The following PRRC1 variants were observed in gnomAD, a reference collection of about 807,000 sequenced individuals.
PRRC1 encodes the protein protein PRRC1.
Under a neutral mutation model 40.7 loss-of-function variants are expected in PRRC1, and 39 were observed. That is an observed-to-expected ratio of 0.96 (90% CI 0.74 to 1.25). PRRC1 has a LOEUF of 1.25. PRRC1 is among the 50% of genes most tolerant of loss of function. PRRC1 has a pLI of 0.00. For missense variants in PRRC1, 573 were observed against 548.3 expected (o/e 1.05, Z -0.45); for synonymous variants, 175 against 193.3 (o/e 0.91, Z 0.79).
rs143699522 is a variant in PRRC1, at chr5:127,532,568, G to A, written c.758-1055G>A. ...AATGGAGCAGTACTTAGCTAAGGTC[G>A]AGAGATGTGTCCCATGTGGAGGAAA... is the stretch of plus-strand genomic sequence containing the variant. On this transcript the variant is annotated intron_variant, in intron 5 of 8. Transcript: ENST00000296666. Among the ~76,000 whole-genome samples the A allele has an allele frequency of 3.3e-5, 5 of 152,172 alleles. No individual in the cohort carries two copies. In the East Asian group the frequency reaches 5.8e-4, roughly 18 times the overall value.
At chr5:127,543,559 G>A (rs1442340429) in intron 7 of PRRC1, among the ~76,000 whole-genome samples, 10 of 152,104 alleles carry the variant, frequency 6.6e-5, no homozygotes, top group Admixed American at 4.6e-4. Flanking sequence ...TTTCTTGGAG[G>A]CTTTGTTCGT....
At chr5:127,538,020 C>CTT (rs1230567045) in intron 6 of PRRC1, among the ~76,000 whole-genome samples, 1 of 151,834 alleles carries the variant, frequency 6.6e-6, no homozygotes, top group African/African-American at 2.4e-5. Flanking sequence ...TCTTATTGAA[C>CTT]ACCTATTAAG....
rs184469320 is a variant in PRRC1, at chr5:127,545,340, A to G, written c.1026-2479A>G. Reference sequence around the variant, plus strand: ...CTGCTATAAAGACACATGCACACATATGTTTATTGCGGCACTATTCCCAAT... The same window carrying G: ...CTGCTATAAAGACACATGCACACATGTGTTTATTGCGGCACTATTCCCAAT... On this transcript the variant is annotated intron_variant, in intron 7 of 8. Transcript: ENST00000296666. 5.0e-3 allele frequency among the ~76,000 whole-genome samples: 755 copies of G among 152,150 alleles called. 9 individuals carry two copies. The Middle Eastern group carries it at 0.068, about 14-fold the overall frequency.
Position 127,552,234 on chromosome 5 carries a change from C to T in PRRC1, c.*318C>T, listed in dbSNP as rs1268043500. 1.7e-5 allele frequency: 18 copies of T among 1,078,986 alleles called. No individual in the cohort carries two copies. Among genetic ancestry groups the T allele is most frequent in the Non-Finnish European group, 1.0e-5 (9 of 887,326 alleles). The allele number at this position is 1,078,986 out of a possible 1,614,324, so 66.8% of individuals were successfully genotyped here. A position where few individuals can be genotyped will look rare whatever the true frequency, so the allele number is the denominator to read the frequency against. On this transcript the variant is annotated 3_prime_UTR_variant, in exon 9 of 9. Coordinates refer to ENST00000296666, the MANE Select transcript of PRRC1 (RefSeq NM_130809.5). ...TGTGCAGAGACATTTAACTTAATGC[C>T]ATGTACTTGATTATTTTGTTCTTTA...
rs1260446576 is a variant in PRRC1 at position 127,540,737 on chromosome 5, GTTTTC to G, written c.1025+1599_1025+1603del. Among the ~76,000 whole-genome samples the G allele has an allele frequency of 3.9e-5, 6 of 152,064 alleles. No homozygotes were observed. The East Asian group carries it at 9.6e-4, about 24-fold the overall frequency. Reference sequence around the variant, plus strand: ...GTTAAAAAGTCATCTCTCCATAAATGTTTTCTTTTGAGAAGTGTCTGTTCATGTCC... The same window carrying G: ...GTTAAAAAGTCATCTCTCCATAAATGTTTTGAGAAGTGTCTGTTCATGTCC... On this transcript the variant is annotated intron_variant, in intron 7 of 8. Transcript: ENST00000296666.
At chr5:127,531,617 C>CTTCTTTTTTTTTTTTTTTTTTTTTTTTT (rs1268819647) in intron 5 of PRRC1, among the ~76,000 whole-genome samples, 14 of 99,648 alleles carry the variant, frequency 1.4e-4, no homozygotes, top group African/African-American at 6.0e-4. Context: ...TCTTCTTCTT[C>CTTCTTTTTTTTTTTTTTTTTTTTTTTTT]TTTTTTTTTT....
At chr5:127,544,844 A>G (rs1036494346) in intron 7 of PRRC1, among the ~76,000 whole-genome samples, 2 of 152,182 alleles carry the variant, frequency 1.3e-5, no homozygotes, top group Non-Finnish European at 2.9e-5. Context: ...GAGTGAGGCA[A>G]TGCCTCACCC....
At chr5:127,536,001 TA>T (rs1223436885) in intron 6 of PRRC1, among the ~76,000 whole-genome samples, 1 of 152,174 alleles carries the variant, frequency 6.6e-6, no homozygotes, top group Non-Finnish European at 1.5e-5. Context: ...TTTTCTATAT[TA>T]GGGGCTATTA....
At chr5:127,547,947 T>C (rs766387657) in intron 8 of PRRC1, 26 bp downstream of exon 8, 10 of 1,417,298 alleles carry the variant, frequency 7.1e-6, no homozygotes, top group Non-Finnish European at 1.0e-5. Context: ...TGCTTTTTCA[T>C]TATGCTCCAG....
rs916382445 is a variant in PRRC1 at position 127,554,744 on chromosome 5, A to G, written c.*2828A>G. The G allele has an allele frequency of 6.6e-6, 1 of 152,326 alleles. No homozygotes were observed. Among genetic ancestry groups the G allele is most frequent in the South Asian group, 2.1e-4 (1 of 4,830 alleles). The allele number at this position is 152,326 out of a possible 1,614,324, so 9.4% of individuals were successfully genotyped here. A position where few individuals can be genotyped will look rare whatever the true frequency, so the allele number is the denominator to read the frequency against. On this transcript the variant is annotated 3_prime_UTR_variant, in exon 9 of 9. Coordinates refer to ENST00000296666, the MANE Select transcript of PRRC1 (RefSeq NM_130809.5). ...AAATACAAAAAGGTAGTGTGATAGT[A>G]TAAGTATCTAAGTGCAGATGAAAGT...
At chr5:127,535,960 A>G (rs1163437944) in intron 6 of PRRC1, among the ~76,000 whole-genome samples, 1 of 152,162 alleles carries the variant, frequency 6.6e-6, no homozygotes, top group Non-Finnish European at 1.5e-5. Context: ...TTTCTTTTAC[A>G]CATATGCATA....
chr5:127,541,659 C>A (rs918822541), intron 7 of PRRC1, among the ~76,000 whole-genome samples: 2 of 152,076 alleles, frequency 1.3e-5, no homozygotes, highest in Non-Finnish European at 2.9e-5. Context: ...AGTTTATTTG[C>A]GTAGAGTTGT....
rs141607313 is a variant in PRRC1 at position 127,530,502 on chromosome 5, G to A, written c.757+106G>A. 3,302 of 574,704 alleles carry A rather than the reference G, an allele frequency of 5.7e-3. 16 individuals are homozygous for A. Among genetic ancestry groups the A allele is most frequent in the Non-Finnish European group, 7.9e-3 (2,700 of 340,996 alleles). The allele number at this position is 574,704 out of a possible 1,614,324, so 35.6% of individuals were successfully genotyped here. ...TTCGTTTCCACTGATTGTGTAATCA[G>A]TGGAAATTCTTATTATATTCTTGCA... On this transcript the variant is annotated intron_variant, in intron 5 of 8. Transcript: ENST00000296666.
chr5:127,543,624 C>G lies in PRRC1; in HGVS notation c.1026-4195C>G, dbSNP rs1224083629. Among the ~76,000 whole-genome samples, 6 of 152,244 alleles carry G rather than the reference C, an allele frequency of 3.9e-5. No homozygotes were observed. In the South Asian group the frequency reaches 1.2e-3, roughly 32 times the overall value. On this transcript the variant is annotated intron_variant, in intron 7 of 8. Coordinates refer to ENST00000296666, the MANE Select transcript of PRRC1 (RefSeq NM_130809.5). Reference sequence around the variant, plus strand: ...CCTTCTCGCTTCATTTCATTCATTTCATCTTCCATCACTGATACCCTTTCT... The same window carrying G: ...CCTTCTCGCTTCATTTCATTCATTTGATCTTCCATCACTGATACCCTTTCT...
At chr5:127,541,603 G>C (rs1020927664) in intron 7 of PRRC1, among the ~76,000 whole-genome samples, 4 of 152,160 alleles carry the variant, frequency 2.6e-5, no homozygotes, top group Non-Finnish European at 2.9e-5. Flanking sequence ...TTAGTCTTGG[G>C]AGAGTGTATG....
In PRRC1 at chr5:127,552,616, A is replaced by G. The variant is rs756550494; in HGVS notation, c.*700A>G. The G allele has an allele frequency of 1.6e-4, 161 of 980,072 alleles. No homozygotes were observed. The highest frequency in any genetic ancestry group is 1.8e-4 in the Non-Finnish European group (151 of 824,824). The allele number at this position is 980,072 out of a possible 1,614,324, so 60.7% of individuals were successfully genotyped here. A position where few individuals can be genotyped will look rare whatever the true frequency, so the allele number is the denominator to read the frequency against. ...TTGGGGTAATACATTTTATTTTTTCATTGCTATATGACAGCTAAGGGGCAA... is the reference window on the plus strand; with the variant it reads ...TTGGGGTAATACATTTTATTTTTTCGTTGCTATATGACAGCTAAGGGGCAA... On this transcript the variant is annotated 3_prime_UTR_variant, in exon 9 of 9. Transcript: ENST00000296666.
chr5:127,520,606 C>T (rs752407776), intron 1 of PRRC1, among the ~76,000 whole-genome samples: 6 of 151,946 alleles, frequency 3.9e-5, no homozygotes, highest in Non-Finnish European at 5.9e-5. Flanking sequence ...ATTCATGGAA[C>T]GAGAAAGTGA....
chr5:127,536,498 G>C (rs898438249), intron 6 of PRRC1, among the ~76,000 whole-genome samples: 1 of 151,968 alleles, frequency 6.6e-6, no homozygotes, highest in African/African-American at 2.4e-5. Flanking sequence ...AGAGTTTATA[G>C]GTCTGAGAAA....
chr5:127,532,869 G>A (rs989719525), intron 5 of PRRC1, among the ~76,000 whole-genome samples: 1 of 152,126 alleles, frequency 6.6e-6, no homozygotes, highest in Non-Finnish European at 1.5e-5. Flanking sequence ...ATATCAAAAT[G>A]TGCTGTGTTT....
Sources: allele counts gnomAD v4.1 joint callset (sites outside exome capture counted in the v4.1 genomes callset), GRCh38; gene constraint gnomAD v4.1.1; transcripts MANE v1.5; gene names NCBI Gene and HGNC (gene_info 2026-07-23, HGNC 2026-07-21).